Variants in SEMA3A observed in about 807,000 individuals in gnomAD.
The protein encoded by SEMA3A is semaphorin-3A.
A neutral mutation model predicts 97.9 loss-of-function variants in SEMA3A; 29 were observed. The ratio of observed to expected loss-of-function variants is 0.30; its 90% CI spans 0.22 to 0.40. The LOEUF (loss-of-function observed/expected upper bound fraction) is 0.40. SEMA3A is among the 10% of genes least tolerant of loss of function. The pLI is 1.00. For synonymous variants in SEMA3A, 321 were observed against 323.7 expected (o/e 0.99, Z 0.09); for missense variants, 763 against 951.3 (o/e 0.80, Z 2.60).
chr7:84,012,373 T>TA (rs1014111147), intron 7 of SEMA3A, among the ~76,000 whole-genome samples: 2 of 152,186 alleles, frequency 1.3e-5, no homozygotes, highest in African/African-American at 4.8e-5. Context: ...ATAGAATCTT[T>TA]AAAAATCACT....
chr7:84,417,128 A>C (rs1804457773), intron 1 of SEMA3A, among the ~76,000 whole-genome samples: 2 of 152,126 alleles, frequency 1.3e-5, no homozygotes, highest in South Asian at 4.1e-4. Flanking sequence ...AGTTCAGAGC[A>C]ATCTTGCTCC....
At chr7:84,424,968 A>C (rs1164728601) in intron 1 of SEMA3A, among the ~76,000 whole-genome samples, 1 of 102,636 alleles carries the variant, frequency 9.7e-6, no homozygotes, top group Non-Finnish European at 1.7e-5. Flanking sequence ...TATATAATTT[A>C]TATATTTATA....
At chr7:84,101,853 T>C (rs1267436380) in intron 4 of SEMA3A, among the ~76,000 whole-genome samples, 2 of 152,038 alleles carry the variant, frequency 1.3e-5, no homozygotes, top group Non-Finnish European at 2.9e-5. Flanking sequence ...TAAATTTAGT[T>C]GAGCTCTAAG....
chr7:84,048,147 G>T (rs796497973), intron 5 of SEMA3A, among the ~76,000 whole-genome samples: 8 of 152,108 alleles, frequency 5.3e-5, no homozygotes, highest in African/African-American at 1.9e-4. Flanking sequence ...TTATTAGTAA[G>T]TGAATTGTTC....
intron 3 of SEMA3A, among the ~76,000 whole-genome samples, chr7:84,215,885 G>T (rs575205785): frequency 3.3e-5 from 5 of 152,214 alleles, no homozygotes; most frequent in African/African-American, 1.2e-4. Context: ...GCAAAGACAA[G>T]ATTGTAGTGT....
intron 4 of SEMA3A, among the ~76,000 whole-genome samples, chr7:84,067,750 A>G (rs1793578945): frequency 6.6e-6 from 1 of 151,198 alleles, no homozygotes; most frequent in Non-Finnish European, 1.5e-5. Context: ...TTAGAATGGC[A>G]ATCATTAAAA....
intron 2 of SEMA3A, among the ~76,000 whole-genome samples, chr7:84,343,228 A>G (rs1802215899): frequency 6.6e-6 from 1 of 152,192 alleles, no homozygotes; most frequent in Admixed American, 6.5e-5. Flanking sequence ...TGAGGAGTAG[A>G]GGCAGAAAGT....
At chr7:84,008,276 G>A (rs1465672704) in intron 9 of SEMA3A, among the ~76,000 whole-genome samples, 1 of 152,134 alleles carries the variant, frequency 6.6e-6, no homozygotes, top group Non-Finnish European at 1.5e-5. Flanking sequence ...CGGATCACAA[G>A]GTCAAGAGAT....
At chr7:84,276,320 T>C (rs1237903768) in intron 3 of SEMA3A, among the ~76,000 whole-genome samples, 1 of 152,086 alleles carries the variant, frequency 6.6e-6, no homozygotes, top group Non-Finnish European at 1.5e-5. Flanking sequence ...TTAACCCTTA[T>C]GTCTCTTTTT....
chr7:84,251,956 T>C (rs1187920881), intron 3 of SEMA3A, among the ~76,000 whole-genome samples: 7 of 152,128 alleles, frequency 4.6e-5, no homozygotes, highest in Non-Finnish European at 2.9e-5. Context: ...ACTAGAGAAT[T>C]TGGAGGGGGA....
chr7:84,424,576 A>C (rs1227842320), intron 1 of SEMA3A, among the ~76,000 whole-genome samples: 23 of 73,584 alleles, frequency 3.1e-4, no homozygotes, highest in African/African-American at 1.6e-3. Flanking sequence ...ATAAATATTA[A>C]TATATATTAT....
At position 84,110,527 on chromosome 7, in the gene SEMA3A, A is replaced by G. The variant is rs764229716; in HGVS notation, c.396T>C (p.Cys132=). Residue 132 remains cysteine, a synonymous_variant, in exon 4 of 17, where the codon TGT becomes TGC. Transcript: ENST00000265362. The part of the protein sequence containing the change: ...KAYNQTHLYA[C]GTGAFHPICT... The stretch of plus-strand genomic sequence containing the variant: ...AAATTGGATGAAAAGCCCCCGTTCC[A>G]CAGGCGTACAAGTGAGTCTGATTAT... 2 of 1,614,014 alleles carry G rather than the reference A, an allele frequency of 1.2e-6. No individual in the cohort carries two copies. Among genetic ancestry groups the G allele is most frequent in the Middle Eastern group, 1.7e-4 (1 of 6,060 alleles).
intron 1 of SEMA3A, among the ~76,000 whole-genome samples, chr7:84,157,616 G>T (rs149729087): frequency 6.6e-6 from 1 of 152,280 alleles, no homozygotes; most frequent in African/African-American, 2.4e-5. Flanking sequence ...TCTGACTAAG[G>T]TATCTTCAAC....
chr7:84,464,840 C>T (rs923604688), intron 1 of SEMA3A, among the ~76,000 whole-genome samples: 9 of 152,136 alleles, frequency 5.9e-5, no homozygotes, highest in South Asian at 4.2e-4. Context: ...ATAATATAGT[C>T]GGTATCTTTT....
intron 2 of SEMA3A, among the ~76,000 whole-genome samples, chr7:84,356,521 A>G (rs1259647910): frequency 1.3e-5 from 2 of 151,610 alleles, no homozygotes; most frequent in South Asian, 4.2e-4. Context: ...TGTTTCTCTA[A>G]TTATAAGCAG....
intron 2 of SEMA3A, among the ~76,000 whole-genome samples, chr7:84,354,202 C>A (rs1221699310): frequency 1.3e-5 from 2 of 151,286 alleles, no homozygotes; most frequent in Admixed American, 6.6e-5. Context: ...AATGTATTTC[C>A]CTCAGTATGA....
chr7:84,395,270 C>T (rs1803695880), intron 1 of SEMA3A, among the ~76,000 whole-genome samples: 1 of 149,688 alleles, frequency 6.7e-6, no homozygotes, highest in Admixed American at 6.6e-5. Flanking sequence ...ACTAAACTAA[C>T]CAAATAACTA....
chr7:84,016,043 C>G (rs1791085081), intron 6 of SEMA3A, among the ~76,000 whole-genome samples: 1 of 151,946 alleles, frequency 6.6e-6, no homozygotes, highest in African/African-American at 2.4e-5. Context: ...TCAAAAATTT[C>G]TACTTGTTCA....
chr7:84,072,062 T>C (rs1793761603), intron 4 of SEMA3A, among the ~76,000 whole-genome samples: 3 of 152,086 alleles, frequency 2.0e-5, no homozygotes, highest in Non-Finnish European at 4.4e-5. Context: ...TTGGGAAACA[T>C]GATACTCTTT....
Sources: allele counts gnomAD v4.1 joint callset (sites outside exome capture counted in the v4.1 genomes callset), GRCh38; gene constraint gnomAD v4.1.1; transcripts MANE v1.5; gene names NCBI Gene and HGNC (gene_info 2026-07-23, HGNC 2026-07-21).